Variants in SCN4A observed in about 807,000 individuals in gnomAD.
SCN4A encodes sodium voltage-gated channel alpha subunit 4.
In SCN4A, 83 loss-of-function variants were observed where a neutral mutation model predicts 162.0. The observed-to-expected ratio is 0.51, with a 90% CI of 0.43 to 0.61. The LOEUF (loss-of-function observed/expected upper bound fraction) is 0.61, where lower values mean the gene tolerates loss of function less well. SCN4A is among the 20% of genes least tolerant of loss of function. The pLI is 0.00. For synonymous variants in SCN4A, 944 were observed against 985.1 expected (o/e 0.96, Z 0.78); for missense variants, 2,196 against 2,462.5 (o/e 0.89, Z 2.29).
At chr17:63,948,589 C>G in intron 16 of SCN4A, 22 bp downstream of exon 16, 1 of 1,607,562 alleles carries the variant, frequency 6.2e-7, no homozygotes, top group Non-Finnish European at 8.5e-7. Flanking sequence ...GCCCCTGACC[C>G]GTGCTCCCAG....
At chr17:63,956,302 C>T (rs1014165441) in intron 13 of SCN4A, among the ~76,000 whole-genome samples, 2 of 152,250 alleles carry the variant, frequency 1.3e-5, no homozygotes, top group African/African-American at 4.8e-5. Context: ...AGTGCAGTGG[C>T]AGGATCACAG....
Position 63,944,304 on chromosome 17 carries a change from TA to T in SCN4A, c.3912+368del, listed in dbSNP as rs1215089061. On this transcript the variant is annotated intron_variant, in intron 21 of 23. Coordinates refer to ENST00000435607, the MANE Select transcript of SCN4A (RefSeq NM_000334.4). This position sits in a 1 kb window ranked among gnomAD's most constrained non-coding sequence, Gnocchi z 4.3. Reference sequence around the variant, plus strand: ...ACAGATGCCTGCCACCACGCCTGGCTAATTTCTTTTTTTAATTTTTTTTGTA... The same window carrying T: ...ACAGATGCCTGCCACCACGCCTGGCTATTTCTTTTTTTAATTTTTTTTGTA... Among the ~76,000 whole-genome samples the T allele has an allele frequency of 2.6e-5, 4 of 152,114 alleles. No individual in the cohort carries two copies. The highest frequency in any genetic ancestry group is 9.7e-5 in the African/African-American group (4 of 41,418).
rs534754265 is a variant in SCN4A at position 63,943,561 on chromosome 17, C to T, written c.4017+185G>A. Among the ~76,000 whole-genome samples, 12 of 152,180 alleles carry T rather than the reference C, an allele frequency of 7.9e-5. No individual in the cohort carries two copies. In the South Asian group the frequency reaches 2.5e-3, roughly 32 times the overall value. On this transcript the variant is annotated intron_variant, in intron 22 of 23. Coordinates refer to ENST00000435607, the MANE Select transcript of SCN4A (RefSeq NM_000334.4). ...TGGACAGCCTCTGTGCATATGGTGT[C>T]TCTGTGGCACTACAAAGAGGCGTCC... is the stretch of plus-strand genomic sequence containing the variant.
intron 11 of SCN4A, 35 bp downstream of exon 11, chr17:63,961,158 G>GC: frequency 9.8e-7 from 1 of 1,018,332 alleles, no homozygotes; most frequent in Non-Finnish European, 1.4e-6. Context: ...CTCCCATCCT[G>GC]CCCATGAATG....
Position 63,972,351 on chromosome 17 carries a change from T to C in SCN4A, c.392+1A>G. 1 of 1,613,234 alleles carries C rather than the reference T, an allele frequency of 6.2e-7. No individual in the cohort carries two copies. The highest frequency in any genetic ancestry group is 8.5e-7 in the Non-Finnish European group (1 of 1,179,300). On this transcript the variant is annotated splice_donor_variant, in intron 2 of 23. Coordinates refer to ENST00000435607, the MANE Select transcript of SCN4A (RefSeq NM_000334.4). LOFTEE classifies it high-confidence loss of function. This position sits in a 1 kb window ranked among gnomAD's most constrained non-coding sequence, Gnocchi z 4.3. ...CGCCTCTCCCATCTTGGGCAGGATA[T>C]GCATGGATGAGCACCTTGATGGCCC...
At position 63,943,031 on chromosome 17, in the gene SCN4A, G is replaced by A. The variant is rs374480468; in HGVS notation, c.4083C>T (p.Ile1361=). 2 of 1,613,986 alleles carry A rather than the reference G, an allele frequency of 1.2e-6. No homozygotes were observed. Among genetic ancestry groups the A allele is most frequent in the Admixed American group, 3.3e-5 (2 of 60,024 alleles). ...TGGTGACCATGTTGAGGCAGATGAG[G>A]ATCATGATGGTGATGTCGAAGGCCT... ...TKQAFDITIM[I]LICLNMVTMM... Residue 1361 remains isoleucine (I), a synonymous_variant, in exon 23 of 24, where the codon ATC becomes ATT. Coordinates refer to ENST00000435607, the MANE Select transcript of SCN4A (RefSeq NM_000334.4).
In SCN4A at chr17:63,966,550, G is replaced by A. The variant is rs955531389; in HGVS notation, c.1037-6C>T. The stretch of plus-strand genomic sequence containing the variant: ...CTCCAGGAAGTAGAAGTTCCCTTTG[G>A]GAGTCAGAGGCCACAAAGGAGGCAA... On this transcript the variant is annotated splice_region_variant and splice_polypyrimidine_tract_variant and intron_variant, in intron 6 of 23. Coordinates refer to ENST00000435607, the MANE Select transcript of SCN4A (RefSeq NM_000334.4). The A allele has an allele frequency of 2.5e-6, 4 of 1,612,656 alleles. No individual in the cohort carries two copies. The highest frequency in any genetic ancestry group is 3.4e-6 in the Non-Finnish European group (4 of 1,178,884).
At chr17:63,970,695 G>A (rs192129284) in intron 5 of SCN4A, among the ~76,000 whole-genome samples, 6 of 152,026 alleles carry the variant, frequency 3.9e-5, no homozygotes, top group East Asian at 1.9e-4. Context: ...GTGCAGTGGC[G>A]TGATCTCGGC....
intron 12 of SCN4A, among the ~76,000 whole-genome samples, chr17:63,958,002 T>TAA (rs60393540): frequency 3.3e-4 from 18 of 55,232 alleles, no homozygotes; most frequent in South Asian, 5.0e-4. Context: ...AAAACTCCAC[T>TAA]AAAAAAAAAA....
chr17:63,957,220 G>A lies in SCN4A; in HGVS notation c.2318C>T (p.Ala773Val). The change falls in exon 13 of 24, where the codon GCC becomes GTC. Residue 773 changes from alanine (A) to valine (V), a missense_variant. By Grantham distance (64) the Ala-to-Val change is moderately conservative. Transcript: ENST00000435607. ...GACGGTGAGGCACATGGCTTGGCCG[G>A]CCACCTCCATGCAGTCCCACATGGT... ...IETMWDCMEV[A>V]GQAMCLTVFL... The A allele has an allele frequency of 6.2e-7, 1 of 1,601,186 alleles. No individual in the cohort carries two copies. Among genetic ancestry groups the A allele is most frequent in the Non-Finnish European group, 8.6e-7 (1 of 1,169,402 alleles).
chr17:63,972,875 G>A lies in SCN4A; in HGVS notation c.-34C>T, dbSNP rs543020759. 1.9e-5 allele frequency: 30 copies of A among 1,576,824 alleles called. 1 individual carries two copies. The South Asian group carries it at 2.7e-4, about 14-fold the overall frequency. On this transcript the variant is annotated 5_prime_UTR_variant, in exon 1 of 24. Coordinates refer to ENST00000435607, the MANE Select transcript of SCN4A (RefSeq NM_000334.4). The surrounding 1 kb of genome is among the most constrained non-coding windows in gnomAD (Gnocchi z 4.3). ...CCTGGGCTCAGAGACCAGAAGGGTG[G>A]TGGGTGGCCTGGGGAGCTGCAGTGC...
rs946719164 is a variant in SCN4A, at chr17:63,950,148, C to G, written c.2854-620G>C. On this transcript the variant is annotated intron_variant, in intron 14 of 23. Coordinates refer to ENST00000435607, the MANE Select transcript of SCN4A (RefSeq NM_000334.4). This position sits in a 1 kb window ranked among gnomAD's most constrained non-coding sequence, Gnocchi z 4.6. ...CCTCCTGCTGGGCCAGGCCAGCTTC[C>G]CGGCCCCAGACTCCACCCGGCAGGG... Among the ~76,000 whole-genome samples the G allele has an allele frequency of 2.0e-5, 3 of 152,148 alleles. No individual in the cohort carries two copies. The highest frequency in any genetic ancestry group is 7.2e-5 in the African/African-American group (3 of 41,432).
intron 11 of SCN4A, among the ~76,000 whole-genome samples, chr17:63,960,429 G>T (rs1909210433): frequency 6.6e-6 from 1 of 152,186 alleles, no homozygotes; most frequent in Non-Finnish European, 1.5e-5. Context: ...CACCCACCCA[G>T]CCCTGGTTCT....
At chr17:63,946,464 C>CCCCG in intron 18 of SCN4A, among the ~76,000 whole-genome samples, 3 of 109,684 alleles carry the variant, frequency 2.7e-5, no homozygotes, top group African/African-American at 1.7e-4. Context: ...TTTTTCTTGC[C>CCCCG]CCCCCCCCCA....
intron 12 of SCN4A, 25 bp downstream of exon 12, chr17:63,959,240 C>A: frequency 6.3e-7 from 1 of 1,596,370 alleles, no homozygotes; most frequent in Non-Finnish European, 8.6e-7. Flanking sequence ...CCATCCCAGC[C>A]CCTGGCCCTG....
chr17:63,940,822 G>A lies in SCN4A; in HGVS notation c.5460C>T (p.Ala1820=). ...GGCGCACAGTCTGCCCTGGGGGAGGGGCGGGAGGCCAGGCAGTGTCTGAGG... is the reference window on the plus strand; with the variant it reads ...GGCGCACAGTCTGCCCTGGGGGAGGAGCGGGAGGCCAGGCAGTGTCTGAGG... The part of the protein sequence containing the change: ...ISPSDTAWPP[A]PPPGQTVRPG... The change falls in exon 24 of 24, where the codon GCC becomes GCT. Residue 1820 remains alanine, a synonymous_variant. Transcript: ENST00000435607. 1 of 1,605,440 alleles carries A rather than the reference G, an allele frequency of 6.2e-7. No individual in the cohort carries two copies. Among genetic ancestry groups the A allele is most frequent in the Non-Finnish European group, 8.5e-7 (1 of 1,174,302 alleles).
chr17:63,963,641 C>T (rs1369367370), intron 10 of SCN4A, 31 bp downstream of exon 10: 3 of 1,523,178 alleles, frequency 2.0e-6, no homozygotes, highest in Admixed American at 3.7e-5. Flanking sequence ...CCACCCCTAC[C>T]TAAGTGGGCA....
rs750463883 is a variant in SCN4A at position 63,945,477 on chromosome 17, G to T, written c.3603C>A (p.Ser1201=). 1.2e-6 allele frequency: 2 copies of T among 1,613,968 alleles called. No homozygotes were observed. Among genetic ancestry groups the T allele is most frequent in the Non-Finnish European group, 1.7e-6 (2 of 1,179,866 alleles). ...NTTTSERFDI[S]EVNNKSECES... ...CGCACTCAGACTTGTTGTTGACCTC[G>T]GAGATGTCGAACCTCTCAGAGGTGG... The change falls in exon 19 of 24, where the codon TCC becomes TCA. Residue 1201 remains serine, a synonymous_variant. Transcript: ENST00000435607. The surrounding 1 kb of genome is among the most constrained non-coding windows in gnomAD (Gnocchi z 4.4).
Position 63,957,541 on chromosome 17 carries a change from G to T in SCN4A, c.2020-23C>A, listed in dbSNP as rs775785699. 15 of 1,568,068 alleles carry T rather than the reference G, an allele frequency of 9.6e-6. No individual in the cohort carries two copies. In the South Asian group the frequency reaches 1.7e-4, roughly 18 times the overall value. ...CAGCTGCCAAGCAGGGAGGGCAAGG[G>T]TGAATGAGGCCCAGGGACCACCACC... On this transcript the variant is annotated intron_variant, in intron 12 of 23. Coordinates refer to ENST00000435607, the MANE Select transcript of SCN4A (RefSeq NM_000334.4).
Sources: gnomAD v4.1 joint callset for allele counts (sites outside exome capture counted in the v4.1 genomes callset) on GRCh38, gnomAD v4.1.1 for gene constraint, Gnocchi (gnomAD v3.1) non-coding constraint, MANE v1.5 for transcripts, NCBI Gene and HGNC (gene_info 2026-07-23, HGNC 2026-07-21) for gene names.